KLF12: variants seen among roughly 807,000 people sequenced by gnomAD.
KLF12 encodes the protein Krueppel-like factor 12.
Under a neutral mutation model 37.8 loss-of-function variants are expected in KLF12, and 9 were observed. The observed-to-expected ratio is 0.24, with a 90% confidence interval of 0.14 to 0.42. The LOEUF (loss-of-function observed/expected upper bound fraction) is 0.42. KLF12 is among the 10% of genes least tolerant of loss of function. The pLI is 1.00. For synonymous variants in KLF12, 208 were observed against 202.1 expected, an observed-to-expected ratio of 1.03 and a Z score of -0.25; for missense variants, 411 against 516.0, an observed-to-expected ratio of 0.80 and a Z score of 1.97.
At chr13:73,984,283 C>T (rs764662279) in intron 2 of KLF12, among the ~76,000 whole-genome samples, 14 of 152,166 alleles carry the variant, frequency 9.2e-5, no homozygotes, top group East Asian at 1.9e-4. Flanking sequence ...TAGTGAAGCA[C>T]CTGCCGCATG....
chr13:74,279,745 G>C, the KLF12 span, among the ~76,000 whole-genome samples: 1 of 152,124 alleles, frequency 6.6e-6, no homozygotes, highest in African/African-American at 2.4e-5. Flanking sequence ...TCCCATAGTG[G>C]ACTCAATAGA....
chr13:73,890,628 G>C (rs796451912), intron 3 of KLF12, among the ~76,000 whole-genome samples: 2 of 151,974 alleles, frequency 1.3e-5, no homozygotes, highest in African/African-American at 4.8e-5. Flanking sequence ...CCAGCCTCCT[G>C]CACTAGGCCC....
chr13:73,818,145 A>AC (rs1175714380), intron 4 of KLF12, among the ~76,000 whole-genome samples: 2,764 of 152,122 alleles, frequency 0.018, 78 homozygotes, highest in African/African-American at 0.062. Context: ...ACACTTATTT[A>AC]TTTTTATTTA....
intron 7 of KLF12, among the ~76,000 whole-genome samples, chr13:73,712,689 C>T (rs892579397): frequency 1.3e-5 from 2 of 152,136 alleles, no homozygotes; most frequent in Admixed American, 1.3e-4. Context: ...TTATTGCTGT[C>T]TTAAGAAATT....
chr13:73,921,824 C>A (rs764512396), intron 3 of KLF12, among the ~76,000 whole-genome samples: 5 of 152,058 alleles, frequency 3.3e-5, no homozygotes, highest in Non-Finnish European at 7.4e-5. Context: ...TGCAGCTAAC[C>A]CCTATACAGT....
At chr13:74,082,167 A>AAAAAAAAAAAAAC (rs1874944069) in intron 1 of KLF12, among the ~76,000 whole-genome samples, 3 of 150,268 alleles carry the variant, frequency 2.0e-5, no homozygotes, top group African/African-American at 2.4e-5. Flanking sequence ...GTCTCTTAAA[A>AAAAAAAAAAAAAC]AAAAAAAAAA....
intron 3 of KLF12, among the ~76,000 whole-genome samples, chr13:73,859,659 T>C (rs1478308013): frequency 6.6e-6 from 1 of 152,180 alleles, no homozygotes; most frequent in Non-Finnish European, 1.5e-5. Flanking sequence ...TATTTCTTAT[T>C]TAGTTCCCGT....
At chr13:74,001,778 G>T (rs989019562) in intron 1 of KLF12, among the ~76,000 whole-genome samples, 5 of 152,130 alleles carry the variant, frequency 3.3e-5, no homozygotes, top group Non-Finnish European at 2.9e-5. Context: ...TTAAATTGTG[G>T]TGAAAACATT....
chr13:74,266,302 A>G, the KLF12 span, among the ~76,000 whole-genome samples: 1 of 152,174 alleles, frequency 6.6e-6, no homozygotes, highest in South Asian at 2.1e-4. Flanking sequence ...TATTTTGAGA[A>G]ACAACTCTTG....
At chr13:74,006,539 G>A (rs1227129060) in intron 1 of KLF12, among the ~76,000 whole-genome samples, 1 of 152,126 alleles carries the variant, frequency 6.6e-6, no homozygotes, top group Non-Finnish European at 1.5e-5. Context: ...TTGTACGTCT[G>A]GAATTACGAC....
At chr13:73,940,312 C>T (rs1470125690) in intron 3 of KLF12, among the ~76,000 whole-genome samples, 1 of 152,178 alleles carries the variant, frequency 6.6e-6, no homozygotes, top group Admixed American at 6.5e-5. Flanking sequence ...TTCCTAGAGG[C>T]TGCCAGCAGC....
At chr13:73,930,712 C>T (rs1051984010) in intron 3 of KLF12, among the ~76,000 whole-genome samples, 5 of 152,022 alleles carry the variant, frequency 3.3e-5, no homozygotes, top group African/African-American at 4.8e-5. Context: ...AAGTATATAA[C>T]GGCACAATAT....
At chr13:74,199,102 G>A in the KLF12 span, among the ~76,000 whole-genome samples, 3 of 152,220 alleles carry the variant, frequency 2.0e-5, no homozygotes, top group Admixed American at 2.0e-4. Flanking sequence ...GACAGCCAGA[G>A]ACTGGCAGTT....
rs76782953 is a variant in KLF12 at position 73,979,854 on chromosome 13, T to C, written c.33+15136A>G. On this transcript the variant is annotated intron_variant, in intron 2 of 7. Coordinates refer to ENST00000377669, the MANE Select transcript of KLF12 (RefSeq NM_007249.5). ...ATAGGGACTTCAGAAGAGGTAATTA[T>C]GATAAAATAAGGTCATATGGGTAGA... Among the ~76,000 whole-genome samples the C allele has an allele frequency of 7.3e-3, 1,111 of 152,252 alleles. 17 individuals carry two copies. Among genetic ancestry groups the C allele is most frequent in the South Asian group, 8.5e-3 (41 of 4,808 alleles).
At chr13:74,200,323 A>G in the KLF12 span, among the ~76,000 whole-genome samples, 1 of 152,096 alleles carries the variant, frequency 6.6e-6, no homozygotes, top group African/African-American at 2.4e-5. Context: ...AAAAAGCTAT[A>G]TGTTTATTGG....
In KLF12 at chr13:73,816,875, T is replaced by A. The variant is rs147696250; in HGVS notation, c.671-3588A>T. On this transcript the variant is annotated intron_variant, in intron 4 of 7. Transcript: ENST00000377669. ...AGGCGGCCAATCCCACTGTGAGCCA[T>A]GTCAGTGAGCCATTTTAGACTCACC... is the stretch of plus-strand genomic sequence containing the variant. 3.8e-3 allele frequency among the ~76,000 whole-genome samples: 572 copies of A among 152,312 alleles called. 2 individuals are homozygous for A. The highest frequency in any genetic ancestry group is 0.012 in the African/African-American group (515 of 41,566).
In KLF12 at chr13:74,034,203, G is replaced by C. The variant is rs190878558; in HGVS notation, c.-31-39150C>G. On this transcript the variant is annotated intron_variant, in intron 1 of 7. Coordinates refer to ENST00000377669, the MANE Select transcript of KLF12 (RefSeq NM_007249.5). Reference sequence around the variant, plus strand: ...TCAGCCTCCCAAGTAGCTGGGATTAGAGGCACCCACCACCATGCCTGGCGA... The same window carrying C: ...TCAGCCTCCCAAGTAGCTGGGATTACAGGCACCCACCACCATGCCTGGCGA... Among the ~76,000 whole-genome samples, 196 of 151,976 alleles carry C rather than the reference G, an allele frequency of 1.3e-3. 1 individual carries two copies. The highest frequency in any genetic ancestry group is 4.4e-3 in the African/African-American group (182 of 41,452).
At chr13:74,093,738 T>C (rs1875813092) in intron 1 of KLF12, among the ~76,000 whole-genome samples, 1 of 151,236 alleles carries the variant, frequency 6.6e-6, no homozygotes. Flanking sequence ...TAAATATATA[T>C]AGTGAGAGAG....
intron 2 of KLF12, among the ~76,000 whole-genome samples, chr13:73,954,061 C>T (rs1344952130): frequency 6.7e-6 from 1 of 148,712 alleles, no homozygotes; most frequent in African/African-American, 2.5e-5. Flanking sequence ...TCACTGCAAG[C>T]TCCACCTCCC....
Sources: allele counts gnomAD v4.1 joint callset (sites outside exome capture counted in the v4.1 genomes callset), GRCh38; gene constraint gnomAD v4.1.1; transcripts MANE v1.5; gene names NCBI Gene and HGNC (gene_info 2026-07-23, HGNC 2026-07-21).